The following NRXN3 variants were observed in gnomAD, a reference collection of about 807,000 sequenced individuals.
NRXN3 encodes neurexin III.
In NRXN3, 32 loss-of-function variants were observed where a neutral mutation model predicts 137.6. The ratio of observed to expected loss-of-function variants is 0.23; its 90% CI spans 0.18 to 0.31. The LOEUF (loss-of-function observed/expected upper bound fraction) is 0.31, where lower values mean the gene tolerates loss of function less well. NRXN3 is among the 10% of genes least tolerant of loss of function. NRXN3 has a pLI of 1.00. For missense variants in NRXN3, 1,574 were observed against 2,062.5 expected (o/e 0.76, Z 4.59); for synonymous variants, 798 against 784.5 (o/e 1.02, Z -0.29).
intron 15 of NRXN3, among the ~76,000 whole-genome samples, chr14:79,316,071 C>T (rs1346211406): frequency 1.3e-5 from 2 of 152,196 alleles, no homozygotes; most frequent in Admixed American, 6.5e-5. Context: ...TACTTCAGTG[C>T]TGGGACTCCC....
intron 4 of NRXN3, among the ~76,000 whole-genome samples, chr14:78,526,171 A>G (rs1030594082): frequency 6.6e-6 from 1 of 152,230 alleles, no homozygotes; most frequent in Non-Finnish European, 1.5e-5. Context: ...AGTTTGCAAA[A>G]GAGGAGTATC....
chr14:78,507,246 G>C (rs1439590277), intron 4 of NRXN3, among the ~76,000 whole-genome samples: 2 of 152,138 alleles, frequency 1.3e-5, no homozygotes, highest in Non-Finnish European at 2.9e-5. Context: ...CCATCTTACA[G>C]ATAAAAGTGA....
At chr14:78,523,643 C>CAAAAAAAAA (rs3036598) in intron 4 of NRXN3, among the ~76,000 whole-genome samples, 54 of 77,580 alleles carry the variant, frequency 7.0e-4, no homozygotes, top group East Asian at 1.5e-3. Context: ...ACTACAAATA[C>CAAAAAAAAA]AAAAAAAAAA....
At chr14:78,379,172 T>C (rs2088540331) in intron 4 of NRXN3, among the ~76,000 whole-genome samples, 1 of 152,180 alleles carries the variant, frequency 6.6e-6, no homozygotes, top group African/African-American at 2.4e-5. Flanking sequence ...ATGATTGTAC[T>C]GAGAATTCTA....
At chr14:79,256,887 A>G (rs1352940519) in intron 15 of NRXN3, among the ~76,000 whole-genome samples, 3 of 152,136 alleles carry the variant, frequency 2.0e-5, no homozygotes, top group Non-Finnish European at 4.4e-5. Context: ...CTGTGTGCAC[A>G]TGTGTGTGTG....
At chr14:79,745,218 A>G (rs971787444) in intron 19 of NRXN3, among the ~76,000 whole-genome samples, 1 of 152,114 alleles carries the variant, frequency 6.6e-6, no homozygotes, top group African/African-American at 2.4e-5. Flanking sequence ...TCTCTCTGCC[A>G]TCCTCAGAAA....
In NRXN3 at chr14:78,956,117, A is replaced by G. The variant is rs140586352; in HGVS notation, c.2276-1125A>G. 2.5e-3 allele frequency among the ~76,000 whole-genome samples: 383 copies of G among 152,284 alleles called. 6 individuals carry two copies. In the East Asian group the frequency reaches 0.041, roughly 16 times the overall value. On this transcript the variant is annotated intron_variant, in intron 10 of 20. Transcript: ENST00000335750. ...GATATATTAGCCACTTATATGTTAT[A>G]TCATTTTATTTCCTAGTCATTTTCA...
intron 16 of NRXN3, among the ~76,000 whole-genome samples, chr14:79,613,740 G>C (rs1182270529): frequency 6.6e-6 from 1 of 152,166 alleles, no homozygotes; most frequent in Non-Finnish European, 1.5e-5. Context: ...CCCACCAGGA[G>C]CTAGGCAGGT....
At chr14:78,646,342 C>T (rs1313841421) in intron 5 of NRXN3, among the ~76,000 whole-genome samples, 1 of 152,218 alleles carries the variant, frequency 6.6e-6, no homozygotes, top group East Asian at 1.9e-4. Flanking sequence ...ACCGCCTTTT[C>T]CAGGTTGCCA....
In NRXN3 at chr14:78,175,511, ACCTGCTGTGGTCCGGTT is replaced by A. The variant is rs879830439; in HGVS notation, c.-704+4870_-704+4886del. ...GGCCCGTGGTCGGCTGTGGTCTGGG[ACCTGCTGTGGTCCGGTT>A]CCTGCTGTGGTCCGGTTCCTGCTGT... On this transcript the variant is annotated intron_variant, in intron 1 of 20. Coordinates refer to ENST00000335750, the MANE Select transcript of NRXN3 (RefSeq NM_001330195.2). 3.8e-3 allele frequency among the ~76,000 whole-genome samples: 573 copies of A among 152,078 alleles called. 27 individuals carry two copies. In the East Asian group the frequency reaches 0.093, roughly 25 times the overall value.
chr14:79,153,956 G>C (rs2060022640), intron 15 of NRXN3, among the ~76,000 whole-genome samples: 1 of 151,942 alleles, frequency 6.6e-6, no homozygotes, highest in South Asian at 2.1e-4. Context: ...TGCATTGCCT[G>C]GGGCTTTATG....
In NRXN3 at chr14:79,663,959, G is replaced by T. The variant is rs1307158327; in HGVS notation, c.3616+10G>T. ...GAACATTATCCTACAGGTACATGTT[G>T]TTCGCTCAATGGTCCTACTCTTTTT... On this transcript the variant is annotated intron_variant, in intron 17 of 20. Transcript: ENST00000335750. 9 of 1,612,892 alleles carry T rather than the reference G, an allele frequency of 5.6e-6. No individual in the cohort carries two copies. The highest frequency in any genetic ancestry group is 6.8e-6 in the Non-Finnish European group (8 of 1,179,266).
chr14:79,508,899 A>G (rs2096905489), intron 16 of NRXN3, among the ~76,000 whole-genome samples: 1 of 152,270 alleles, frequency 6.6e-6, no homozygotes, highest in East Asian at 1.9e-4. Flanking sequence ...ACTGTAATCA[A>G]TAATAATGCT....
At chr14:78,474,107 G>A (rs981642927) in intron 4 of NRXN3, among the ~76,000 whole-genome samples, 5 of 152,098 alleles carry the variant, frequency 3.3e-5, no homozygotes, top group African/African-American at 1.2e-4. Context: ...CATATTAAAC[G>A]TATGTCCATC....
intron 20 of NRXN3, among the ~76,000 whole-genome samples, chr14:79,805,704 G>A (rs1882861): frequency 0.1 from 15,745 of 152,072 alleles, 1,126 homozygotes; most frequent in African/African-American, 0.19. Context: ...ATTTTCCATG[G>A]GATTTCAACA....
chr14:78,853,574 A>G (rs1024407294), intron 10 of NRXN3, among the ~76,000 whole-genome samples: 1 of 152,128 alleles, frequency 6.6e-6, no homozygotes, highest in Non-Finnish European at 1.5e-5. Context: ...TATTACTATA[A>G]TATTTGTTAA....
At chr14:79,008,089 A>G (rs1012401519) in intron 15 of NRXN3, among the ~76,000 whole-genome samples, 1 of 152,122 alleles carries the variant, frequency 6.6e-6, no homozygotes, top group African/African-American at 2.4e-5. Flanking sequence ...TTAGATATCC[A>G]CATAAGAAGG....
At chr14:79,498,655 T>C (rs1237252128) in intron 16 of NRXN3, among the ~76,000 whole-genome samples, 1 of 152,264 alleles carries the variant, frequency 6.6e-6, no homozygotes, top group Non-Finnish European at 1.5e-5. Context: ...CATTCAAAAT[T>C]AGACCACTTC....
At chr14:78,775,574 A>G (rs1356190398) in intron 8 of NRXN3, among the ~76,000 whole-genome samples, 1 of 152,160 alleles carries the variant, frequency 6.6e-6, no homozygotes, top group Non-Finnish European at 1.5e-5. Context: ...AAGATTGGAC[A>G]CCCCTGGAAT....
Sources: gnomAD v4.1 joint callset for allele counts (sites outside exome capture counted in the v4.1 genomes callset) on GRCh38, gnomAD v4.1.1 for gene constraint, MANE v1.5 for transcripts, NCBI Gene and HGNC (gene_info 2026-07-23, HGNC 2026-07-21) for gene names.